The following CES3 variants were observed in gnomAD, a reference collection of about 807,000 sequenced individuals.
CES3 encodes the protein carboxylesterase 3, also known as carboxylesterase 3 (brain).
In CES3, 49 loss-of-function variants were observed where a neutral mutation model predicts 57.6. That is an observed-to-expected ratio of 0.85 (90% CI 0.68 to 1.08). The LOEUF (loss-of-function observed/expected upper bound fraction) is 1.08. Among genes scored for constraint, CES3 ranks in the 50% least tolerant of loss-of-function variants. The pLI, the probability that CES3 is intolerant of heterozygous loss-of-function variation, is 0.00. For missense variants in CES3, 645 were observed against 742.0 expected (o/e 0.87, Z 1.52); for synonymous variants, 266 against 281.6 (o/e 0.94, Z 0.55).
In CES3 at chr16:66,972,747, G is replaced by A; in HGVS notation, c.1520+1G>A. On this transcript the variant is annotated splice_donor_variant, in intron 12 of 12. Transcript: ENST00000303334. LOFTEE classifies it high-confidence loss of function. Reference sequence around the variant, plus strand: ...AGTGGACCCACTTTGCCCGGACAGGGTGAGTGAGTGACAGGGCATAGCTCG... The same window carrying A: ...AGTGGACCCACTTTGCCCGGACAGGATGAGTGAGTGACAGGGCATAGCTCG... 2.5e-6 allele frequency: 4 copies of A among 1,614,208 alleles called. No individual in the cohort carries two copies. The South Asian group carries it at 4.4e-5, about 18-fold the overall frequency.
chr16:66,974,898 C>T lies in CES3; in HGVS notation c.*1849C>T, dbSNP rs1415257926. 6.6e-6 allele frequency: 1 copy of T among 152,228 alleles called. No individual in the cohort carries two copies. Among genetic ancestry groups the T allele is most frequent in the African/African-American group, 2.4e-5 (1 of 41,436 alleles). 9.4% of individuals were successfully genotyped at this position (152,228 alleles called of 1,614,324 possible). A position where few individuals can be genotyped will look rare whatever the true frequency, so the allele number is the denominator to read the frequency against. ...GAACCTTTGTGTCCACACTCTGTATCTAGCTAATCTAGTGGGGATGTGGAG... is the reference window on the plus strand; with the variant it reads ...GAACCTTTGTGTCCACACTCTGTATTTAGCTAATCTAGTGGGGATGTGGAG... On this transcript the variant is annotated 3_prime_UTR_variant, in exon 13 of 13. Transcript: ENST00000303334.
In CES3 at chr16:66,973,132, C is replaced by A. The variant is rs1054217115; in HGVS notation, c.*83C>A. ...CCAGCACGGCAGCCCGCCTCTCCCC[C>A]TGCTGAGACTTTAATCTCCACCAGC... On this transcript the variant is annotated 3_prime_UTR_variant, in exon 13 of 13. Transcript: ENST00000303334. 2 of 1,232,596 alleles carry A rather than the reference C, an allele frequency of 1.6e-6. No homozygotes were observed. The highest frequency in any genetic ancestry group is 2.3e-6 in the Non-Finnish European group (2 of 873,906). The allele number at this position is 1,232,596 out of a possible 1,614,324, so 76.4% of individuals were successfully genotyped here. A position where few individuals can be genotyped will look rare whatever the true frequency, so the allele number is the denominator to read the frequency against.
intron 8 of CES3, chr16:66,967,685 CTTTT>C (rs112843467): frequency 6.6e-6 from 6 of 915,956 alleles, no homozygotes; most frequent in Admixed American, 6.9e-5. Context: ...CTTCACTTTT[CTTTT>C]TTTTTTTTTT....
chr16:66,962,382 G>A (rs1428983795), intron 1 of CES3, among the ~76,000 whole-genome samples: 1 of 152,232 alleles, frequency 6.6e-6, no homozygotes, highest in Admixed American at 6.5e-5. Context: ...GTCTGTTTGT[G>A]TTGTTGTAAA....
Position 66,972,736 on chromosome 16 carries a change from G to T in CES3, c.1510G>T (p.Ala504Ser), listed in dbSNP as rs1433484598. 2 of 1,614,206 alleles carry T rather than the reference G, an allele frequency of 1.2e-6. No homozygotes were observed. The highest frequency in any genetic ancestry group is 2.2e-5 in the East Asian group (1 of 44,884). Residue 504 changes from alanine to serine, a missense_variant, in exon 12 of 13, where the codon GCC becomes TCC. Ala to Ser is a moderately conservative substitution (Grantham distance 99). Transcript: ENST00000303334. Reference sequence around the variant, plus strand: ...CATGATGGCCCAGTGGACCCACTTTGCCCGGACAGGGTGAGTGAGTGACAG... The same window carrying T: ...CATGATGGCCCAGTGGACCCACTTTTCCCGGACAGGGTGAGTGAGTGACAG... The part of the protein sequence containing the change: ...LTMMAQWTHF[A>S]RTGDPNSKAL...
At chr16:66,967,876 C>A in intron 8 of CES3, 2 of 544,858 alleles carry the variant, frequency 3.7e-6, no homozygotes, top group Non-Finnish European at 4.7e-6. Flanking sequence ...ATCCTCCCAG[C>A]TTCCTGAGTA....
At chr16:66,971,978 T>G (rs1267065715) in intron 10 of CES3, among the ~76,000 whole-genome samples, 3 of 151,854 alleles carry the variant, frequency 2.0e-5, no homozygotes, top group Non-Finnish European at 4.4e-5. Flanking sequence ...CTACACAAAT[T>G]TTTTGAAAAT....
At position 66,972,343 on chromosome 16, in the gene CES3, C is replaced by T. The variant is rs370681745; in HGVS notation, c.1292-13C>T. 3.2e-6 allele frequency: 5 copies of T among 1,577,784 alleles called. No homozygotes were observed. Among genetic ancestry groups the T allele is most frequent in the Admixed American group, 3.6e-5 (2 of 54,822 alleles). On this transcript the variant is annotated splice_polypyrimidine_tract_variant and intron_variant, in intron 10 of 12. Coordinates refer to ENST00000303334, the MANE Select transcript of CES3 (RefSeq NM_024922.6). The stretch of plus-strand genomic sequence containing the variant: ...CATGAGTGCCTAACTCCCATCCCAT[C>T]CTTTCTCTGTAGATTCTGGAAGCCC...
chr16:66,972,308 C>G, intron 10 of CES3, 48 bp from the exon 11 acceptor site: 1 of 1,501,914 alleles, frequency 6.7e-7, no homozygotes, highest in Non-Finnish European at 8.9e-7. Flanking sequence ...AAGGCAGCAT[C>G]GAATCAGGCC....
At chr16:66,969,227 A>G (rs1963788629) in intron 8 of CES3, among the ~76,000 whole-genome samples, 1 of 152,170 alleles carries the variant, frequency 6.6e-6, no homozygotes, top group African/African-American at 2.4e-5. Flanking sequence ...CCAACATGGC[A>G]TAACCCCACC....
chr16:66,964,221 C>T, intron 4 of CES3, 136 bp from the exon 5 acceptor site: 1 of 1,246,244 alleles, frequency 8.0e-7, no homozygotes, highest in East Asian at 2.5e-5. Context: ...TGTGGAGATG[C>T]CAACCACGGC....
Position 66,972,845 on chromosome 16 carries a change from C to T in CES3, c.1521-9C>T. Reference sequence around the variant, plus strand: ...GAAGCCTTGGTCCTCATTCATTCCTCCCACCCAGGGACCCCAATAGCAAGG... The same window carrying T: ...GAAGCCTTGGTCCTCATTCATTCCTTCCACCCAGGGACCCCAATAGCAAGG... On this transcript the variant is annotated splice_polypyrimidine_tract_variant and intron_variant, in intron 12 of 12. Transcript: ENST00000303334. The T allele has an allele frequency of 6.2e-7, 1 of 1,613,972 alleles. No homozygotes were observed. Among genetic ancestry groups the T allele is most frequent in the African/African-American group, 1.3e-5 (1 of 75,058 alleles).
chr16:66,974,297 A>G lies in CES3; in HGVS notation c.*1248A>G, dbSNP rs1039907463. The G allele has an allele frequency of 6.6e-6, 1 of 152,648 alleles. No homozygotes were observed. The highest frequency in any genetic ancestry group is 1.9e-4 in the East Asian group (1 of 5,192). 9.5% of individuals were successfully genotyped at this position (152,648 alleles called of 1,614,324 possible). ...GTGCGGAGGGAGAGGGGCGGGCAGG[A>G]ACCGGGGCTGCGCGCAGCGCTTGCG... is the stretch of plus-strand genomic sequence containing the variant. On this transcript the variant is annotated 3_prime_UTR_variant, in exon 13 of 13. Transcript: ENST00000303334.
rs547832533 is a variant in CES3, at chr16:66,973,131, C to T, written c.*82C>T. ...CCCAGCACGGCAGCCCGCCTCTCCC[C>T]CTGCTGAGACTTTAATCTCCACCAG... On this transcript the variant is annotated 3_prime_UTR_variant, in exon 13 of 13. Transcript: ENST00000303334. The T allele has an allele frequency of 8.1e-7, 1 of 1,240,884 alleles. No homozygotes were observed. The highest frequency in any genetic ancestry group is 2.5e-5 in the East Asian group (1 of 40,540). 76.9% of individuals were successfully genotyped at this position (1,240,884 alleles called of 1,614,324 possible).
intron 8 of CES3, 37 bp downstream of exon 8, chr16:66,966,902 GC>G: frequency 6.2e-7 from 1 of 1,610,506 alleles, no homozygotes. Flanking sequence ...TCAAGGCCCT[GC>G]CCCAGCCAGT....
intron 8 of CES3, among the ~76,000 whole-genome samples, chr16:66,968,150 TTTTG>T (rs796439662): frequency 9.2e-5 from 14 of 152,260 alleles, no homozygotes; most frequent in African/African-American, 3.1e-4. Flanking sequence ...CTTCTAGTTT[TTTTG>T]TTTGTTTGTT....
At chr16:66,969,297 T>C (rs530557557) in intron 8 of CES3, among the ~76,000 whole-genome samples, 50 of 152,190 alleles carry the variant, frequency 3.3e-4, no homozygotes, top group Non-Finnish European at 6.6e-4. Context: ...TCCCAGCTAC[T>C]CGGGAGGCTG....
intron 6 of CES3, among the ~76,000 whole-genome samples, chr16:66,965,463 G>C (rs1366501593): frequency 6.6e-6 from 1 of 152,172 alleles, no homozygotes; most frequent in Admixed American, 6.5e-5. Flanking sequence ...GGAAGACTGG[G>C]TCAATTCCCT....
Position 66,972,374 on chromosome 16 carries a change from T to C in CES3, c.1310T>C (p.Phe437Ser). ...RYLRDSGSPVFFYEFQHRPSS... is the reference protein window; with the variant it reads ...RYLRDSGSPVSFYEFQHRPSS... ...TCTGTAGATTCTGGAAGCCCTGTCT[T>C]TTTCTATGAGTTCCAGCATCGACCC... The change falls in exon 11 of 13, where the codon TTT becomes TCT. Residue 437 changes from phenylalanine (F) to serine (S), a missense_variant. Coordinates refer to ENST00000303334, the MANE Select transcript of CES3 (RefSeq NM_024922.6). 2 of 1,604,976 alleles carry C rather than the reference T, an allele frequency of 1.2e-6. No homozygotes were observed. The highest frequency in any genetic ancestry group is 1.7e-6 in the Non-Finnish European group (2 of 1,175,392).
Sources: allele counts gnomAD v4.1 joint callset (sites outside exome capture counted in the v4.1 genomes callset), GRCh38; gene constraint gnomAD v4.1.1; transcripts MANE v1.5; gene names NCBI Gene and HGNC (gene_info 2026-07-23, HGNC 2026-07-21).